The following NUCB1 variants were observed in gnomAD, a reference collection of about 807,000 sequenced individuals.
NUCB1 encodes nucleobindin 1.
A neutral mutation model predicts 61.2 loss-of-function variants in NUCB1; 47 were observed. The ratio of observed to expected loss-of-function variants is 0.77; its 90% CI spans 0.61 to 0.98. The LOEUF is 0.98. Among genes scored for constraint, NUCB1 ranks in the 50% least tolerant of loss-of-function variants. NUCB1 has a pLI of 0.00. For synonymous variants in NUCB1, 234 were observed against 243.1 expected (o/e 0.96, Z 0.35); for missense variants, 583 against 605.3 (o/e 0.96, Z 0.39).
intron 7 of NUCB1, among the ~76,000 whole-genome samples, chr19:48,915,312 C>G (rs2037526686): frequency 7.1e-6 from 1 of 140,094 alleles, no homozygotes; most frequent in South Asian, 2.4e-4. Context: ...AACCCAGTCT[C>G]TACTAAAAAT....
intron 7 of NUCB1, among the ~76,000 whole-genome samples, chr19:48,917,520 A>G (rs2037554681): frequency 6.6e-6 from 1 of 150,728 alleles, no homozygotes; most frequent in Non-Finnish European, 1.5e-5. Context: ...TTTTTGAGGC[A>G]GAGTCTTGCT....
intron 7 of NUCB1, among the ~76,000 whole-genome samples, chr19:48,914,052 C>T (rs920370316): frequency 6.6e-6 from 1 of 151,400 alleles, no homozygotes; most frequent in African/African-American, 2.4e-5. Context: ...ACTGCAACCC[C>T]CTGCCCTCCG....
chr19:48,912,871 A>T, intron 5 of NUCB1, 140 bp from the exon 6 acceptor site: 1 of 435,482 alleles, frequency 2.3e-6, no homozygotes, highest in African/African-American at 2.1e-5. Flanking sequence ...AAGGGACATT[A>T]GGACACGAGA....
chr19:48,909,091 T>A (rs981597008), intron 4 of NUCB1, among the ~76,000 whole-genome samples: 1 of 151,902 alleles, frequency 6.6e-6, no homozygotes, highest in African/African-American at 2.4e-5. Flanking sequence ...GCAGGGTTGG[T>A]TCCTTCTGGG....
chr19:48,921,107 C>G, intron 10 of NUCB1, 47 bp from the exon 11 acceptor site: 1 of 1,550,248 alleles, frequency 6.5e-7, no homozygotes, highest in South Asian at 1.2e-5. Flanking sequence ...CATGGGTGGG[C>G]CGAGGTTGGA....
At chr19:48,905,061 ACAT>A (rs1157768558) in intron 3 of NUCB1, among the ~76,000 whole-genome samples, 1 of 152,176 alleles carries the variant, frequency 6.6e-6, no homozygotes, top group Non-Finnish European at 1.5e-5. Flanking sequence ...AAAATGGGAG[ACAT>A]CATAGAACCT....
chr19:48,908,360 C>T (rs2122175968), intron 4 of NUCB1, among the ~76,000 whole-genome samples: 1 of 152,206 alleles, frequency 6.6e-6, no homozygotes, highest in South Asian at 2.1e-4. Flanking sequence ...AAACTCCTGA[C>T]CTCAGGTGAT....
intron 2 of NUCB1, 33 bp from the exon 3 acceptor site, chr19:48,904,314 C>T: frequency 7.0e-7 from 1 of 1,428,876 alleles, no homozygotes; most frequent in South Asian, 1.1e-5. Context: ...GGGATGGGAG[C>T]AGGGGCTGCT....
chr19:48,909,396 C>G (rs910487565), intron 4 of NUCB1, among the ~76,000 whole-genome samples: 1 of 151,882 alleles, frequency 6.6e-6, no homozygotes, highest in African/African-American at 2.4e-5. Context: ...TACAAGCACG[C>G]GCCACCACGC....
intron 3 of NUCB1, 85 bp from the exon 4 acceptor site, chr19:48,905,668 C>G: frequency 6.6e-7 from 1 of 1,522,942 alleles, no homozygotes; most frequent in Non-Finnish European, 9.1e-7. Flanking sequence ...CAGTATAAGA[C>G]TGGGGCATGA....
intron 5 of NUCB1, among the ~76,000 whole-genome samples, chr19:48,912,160 G>A (rs921145310): frequency 6.6e-6 from 1 of 151,590 alleles, no homozygotes; most frequent in Non-Finnish European, 1.5e-5. Context: ...GAGTAGCTGG[G>A]ACCAGAGGTG....
chr19:48,920,436 C>T (rs906028639), intron 10 of NUCB1, among the ~76,000 whole-genome samples: 2 of 152,184 alleles, frequency 1.3e-5, no homozygotes, highest in African/African-American at 4.8e-5. Flanking sequence ...AGGTGATCCT[C>T]CTTCCTTAGC....
intron 7 of NUCB1, among the ~76,000 whole-genome samples, chr19:48,917,496 A>T (rs77926906): frequency 1.0e-5 from 1 of 96,410 alleles, no homozygotes; most frequent in Non-Finnish European, 2.7e-5. Flanking sequence ...GCCAATTTTT[A>T]AATTTTTTTT....
chr19:48,901,748 A>C (rs963099090), intron 2 of NUCB1, among the ~76,000 whole-genome samples: 1 of 152,178 alleles, frequency 6.6e-6, no homozygotes, highest in Non-Finnish European at 1.5e-5. Flanking sequence ...CAGCCTGGGC[A>C]ACAGAGCTGA....
intron 10 of NUCB1, among the ~76,000 whole-genome samples, chr19:48,919,498 G>C (rs1314585416): frequency 7.2e-6 from 1 of 138,058 alleles, no homozygotes; most frequent in Non-Finnish European, 1.6e-5. Flanking sequence ...TTTATTCTGA[G>C]ACGGAGTCTC....
At chr19:48,915,126 A>G (rs1049727636) in intron 7 of NUCB1, among the ~76,000 whole-genome samples, 2 of 152,014 alleles carry the variant, frequency 1.3e-5, no homozygotes, top group Non-Finnish European at 2.9e-5. Context: ...ATAAATAAAG[A>G]TACATCCCTA....
At chr19:48,903,650 GTGGA>G (rs1242646711) in intron 2 of NUCB1, among the ~76,000 whole-genome samples, 2 of 134,090 alleles carry the variant, frequency 1.5e-5, no homozygotes, top group Non-Finnish European at 3.2e-5. Flanking sequence ...GGATGGGCGG[GTGGA>G]TGGATGGGTG....
intron 11 of NUCB1, 85 bp from the exon 12 acceptor site, chr19:48,921,742 A>G (rs2037611750): frequency 1.6e-6 from 2 of 1,286,670 alleles, no homozygotes; most frequent in Admixed American, 1.7e-5. Flanking sequence ...GGCTGCTGTG[A>G]AGTCTCCGTT....
At chr19:48,917,523 GTCTTGCTC>G (rs2037554769) in intron 7 of NUCB1, among the ~76,000 whole-genome samples, 1 of 151,826 alleles carries the variant, frequency 6.6e-6, no homozygotes, top group Non-Finnish European at 1.5e-5. Flanking sequence ...TTGAGGCAGA[GTCTTGCTC>G]TGTTGCCCAG....
Sources: gnomAD v4.1 joint callset for allele counts (sites outside exome capture counted in the v4.1 genomes callset) on GRCh38, gnomAD v4.1.1 for gene constraint, MANE v1.5 for transcripts, NCBI Gene and HGNC (gene_info 2026-07-23, HGNC 2026-07-21) for gene names.